The following TG variants were observed in gnomAD, a reference collection of about 807,000 sequenced individuals.
TG encodes thyroid hormones.
In TG, 270 loss-of-function variants were observed where a neutral mutation model predicts 324.7. The ratio of observed to expected loss-of-function variants is 0.83; its 90% CI spans 0.75 to 0.92. The LOEUF (loss-of-function observed/expected upper bound fraction) is 0.92. Ranked by LOEUF, TG falls within the 40% of genes least tolerant of loss-of-function variation. The pLI, the probability that TG is intolerant of heterozygous loss-of-function variation, is 0.00. For missense variants in TG, 3,591 were observed against 3,456.4 expected, an observed-to-expected ratio of 1.04 and a Z score of -0.98; for synonymous variants, 1,401 against 1,327.0, an observed-to-expected ratio of 1.06 and a Z score of -1.21.
At chr8:132,899,526 G>C (rs1480519980) in intron 14 of TG, among the ~76,000 whole-genome samples, 1 of 152,220 alleles carries the variant, frequency 6.6e-6, no homozygotes, top group Non-Finnish European at 1.5e-5. Context: ...AGATGAAACA[G>C]CAGTGTTGAA....
rs1844647042 is a variant in TG, at chr8:133,075,019, T to TG, written c.7240-20024dup. The TG allele has an allele frequency of 3.0e-6, 3 of 985,286 alleles. No homozygotes were observed. In the Admixed American group the frequency reaches 1.8e-4, roughly 61 times the overall value. 61.0% of individuals were successfully genotyped at this position (985,286 alleles called of 1,614,324 possible). A position where few individuals can be genotyped will look rare whatever the true frequency, so the allele number is the denominator to read the frequency against. On this transcript the variant is annotated intron_variant, in intron 41 of 47. Coordinates refer to ENST00000220616, the MANE Select transcript of TG (RefSeq NM_003235.5). ...CCATGCTACACAGAAGAACTGCAGT[T>TG]GCTAAACTGGCCGCATACTTCCTCT...
At position 133,056,676 on chromosome 8, in the gene TG, G is replaced by A. The variant is rs183343065; in HGVS notation, c.7239+26653G>A. Among the ~76,000 whole-genome samples the A allele has an allele frequency of 2.1e-4, 32 of 152,322 alleles. No individual in the cohort carries two copies. In the East Asian group the frequency reaches 6.2e-3, roughly 29 times the overall value. ...GATGATAATAGGCAGAAGCCTCGTGGGGCTGTGAGAATCGAGTCTGCATAT... is the reference window on the plus strand; with the variant it reads ...GATGATAATAGGCAGAAGCCTCGTGAGGCTGTGAGAATCGAGTCTGCATAT... On this transcript the variant is annotated intron_variant, in intron 41 of 47. Coordinates refer to ENST00000220616, the MANE Select transcript of TG (RefSeq NM_003235.5).
Position 133,116,237 on chromosome 8 carries a change from C to G in TG, c.7755-372C>G, listed in dbSNP as rs150271761. On this transcript the variant is annotated intron_variant, in intron 44 of 47. Transcript: ENST00000220616. ...CCATTCCACAGTATATTGTATTTAA[C>G]TCCACTGTATATTGCATTTACGTTA... is the stretch of plus-strand genomic sequence containing the variant. Among the ~76,000 whole-genome samples the G allele has an allele frequency of 2.0e-5, 3 of 152,232 alleles. No individual in the cohort carries two copies. The East Asian group carries it at 5.8e-4, about 29-fold the overall frequency.
intron 24 of TG, among the ~76,000 whole-genome samples, chr8:132,934,204 G>T (rs1405551794): frequency 6.6e-6 from 1 of 151,974 alleles, no homozygotes; most frequent in East Asian, 1.9e-4. Flanking sequence ...GTGTGGTGGT[G>T]GACACCTGTA....
chr8:133,097,082 C>T (rs2131651372), intron 43 of TG, among the ~76,000 whole-genome samples: 1 of 152,336 alleles, frequency 6.6e-6, no homozygotes, highest in Non-Finnish European at 1.5e-5. Context: ...CAGGGAAGCC[C>T]AGTGTGCATA....
rs927004646 is a variant in TG at position 133,060,646 on chromosome 8, C to G, written c.7239+30623C>G. Among the ~76,000 whole-genome samples the G allele has an allele frequency of 6.6e-5, 10 of 152,298 alleles. No homozygotes were observed. In the East Asian group the frequency reaches 1.9e-3, roughly 29 times the overall value. On this transcript the variant is annotated intron_variant, in intron 41 of 47. Coordinates refer to ENST00000220616, the MANE Select transcript of TG (RefSeq NM_003235.5). Reference sequence around the variant, plus strand: ...AGGCATGAGGAGAAGGTACTTTCTGCTGCTACTTTTTGTCATCCTTTTGAG... The same window carrying G: ...AGGCATGAGGAGAAGGTACTTTCTGGTGCTACTTTTTGTCATCCTTTTGAG...
At chr8:132,901,589 G>A (rs770868786) in intron 16 of TG, 36 bp downstream of exon 16, 3 of 1,596,166 alleles carry the variant, frequency 1.9e-6, no homozygotes, top group Non-Finnish European at 8.5e-7. Flanking sequence ...GACGAGGCCT[G>A]CATATCTGTT....
intron 44 of TG, among the ~76,000 whole-genome samples, chr8:133,115,434 G>A (rs773151496): frequency 6.6e-6 from 1 of 152,136 alleles, no homozygotes; most frequent in Non-Finnish European, 1.5e-5. Flanking sequence ...AACTCAGTTG[G>A]CTTCATCTGC....
intron 41 of TG, among the ~76,000 whole-genome samples, chr8:133,032,432 C>T (rs1337560166): frequency 6.6e-6 from 1 of 152,156 alleles, no homozygotes; most frequent in Non-Finnish European, 1.5e-5. Flanking sequence ...AAATACCTTC[C>T]AATGGGCTCA....
intron 41 of TG, among the ~76,000 whole-genome samples, chr8:133,060,977 AC>A (rs1382815689): frequency 1.3e-5 from 2 of 152,220 alleles, no homozygotes; most frequent in African/African-American, 4.8e-5. Flanking sequence ...CTGTGTACTT[AC>A]AAGCTAGATG....
At chr8:133,049,761 T>C in intron 41 of TG, 1 of 668,094 alleles carries the variant, frequency 1.5e-6, no homozygotes, top group South Asian at 1.7e-5. Flanking sequence ...CCTTTCCTTA[T>C]TGACTGGGTT....
intron 43 of TG, among the ~76,000 whole-genome samples, chr8:133,107,561 G>C (rs138081757): frequency 6.6e-6 from 1 of 152,184 alleles, no homozygotes; most frequent in Non-Finnish European, 1.5e-5. Flanking sequence ...ATCTGTGCTC[G>C]GGGCCTCGCC....
At chr8:132,972,763 G>C (rs762027935) in intron 34 of TG, 22 bp downstream of exon 34, 2 of 1,613,914 alleles carry the variant, frequency 1.2e-6, no homozygotes, top group South Asian at 2.2e-5. Flanking sequence ...TCTCATGACA[G>C]CTATATGGAC....
At chr8:133,033,324 C>G (rs1836802889) in intron 41 of TG, among the ~76,000 whole-genome samples, 1 of 152,098 alleles carries the variant, frequency 6.6e-6, no homozygotes, top group Admixed American at 6.5e-5. Flanking sequence ...GGAAGTATGT[C>G]CTAGGGTATT....
intron 5 of TG, among the ~76,000 whole-genome samples, chr8:132,881,223 C>T (rs1213482106): frequency 6.6e-6 from 1 of 152,124 alleles, no homozygotes; most frequent in African/African-American, 2.4e-5. Context: ...TTGATGAGCT[C>T]GTTATAACAA....
intron 15 of TG, among the ~76,000 whole-genome samples, chr8:132,901,085 G>A (rs759435328): frequency 6.6e-6 from 1 of 152,216 alleles, no homozygotes; most frequent in Non-Finnish European, 1.5e-5. Flanking sequence ...TCACAGAACT[G>A]TACCTGCTCA....
At chr8:132,945,102 G>A (rs1285872001) in intron 26 of TG, among the ~76,000 whole-genome samples, 1 of 152,214 alleles carries the variant, frequency 6.6e-6, no homozygotes, top group African/African-American at 2.4e-5. Context: ...GCAAGGAAGT[G>A]TCATGATCAG....
intron 26 of TG, 136 bp downstream of exon 26, chr8:132,941,678 A>G: frequency 2.2e-6 from 2 of 922,896 alleles, no homozygotes; most frequent in South Asian, 1.5e-5. Context: ...GTGACAGTCA[A>G]GTACACAATA....
chr8:132,921,857 A>G (rs1347670579), intron 21 of TG, among the ~76,000 whole-genome samples: 1 of 152,220 alleles, frequency 6.6e-6, no homozygotes, highest in African/African-American at 2.4e-5. Flanking sequence ...AACCTCCCAC[A>G]AAAAAGTTCT....
Sources: allele counts gnomAD v4.1 joint callset (sites outside exome capture counted in the v4.1 genomes callset), GRCh38; gene constraint gnomAD v4.1.1; transcripts MANE v1.5; gene names NCBI Gene and HGNC (gene_info 2026-07-23, HGNC 2026-07-21).